RHOT1: variants seen among roughly 807,000 people sequenced by gnomAD.
RHOT1 encodes mitochondrial Rho GTPase 1.
Under a neutral mutation model 95.3 loss-of-function variants are expected in RHOT1, and 27 were observed. The observed-to-expected ratio is 0.28, with a 90% CI of 0.21 to 0.39. RHOT1 has a LOEUF of 0.39. Among genes scored for constraint, RHOT1 ranks in the 10% least tolerant of loss-of-function variants. RHOT1 has a pLI of 1.00. For missense variants in RHOT1, 578 were observed against 786.7 expected (o/e 0.73, Z 3.17); for synonymous variants, 227 against 263.5 (o/e 0.86, Z 1.34).
chr17:32,212,841 C>G (rs966722913), intron 19 of RHOT1, among the ~76,000 whole-genome samples: 1 of 152,106 alleles, frequency 6.6e-6, no homozygotes. Flanking sequence ...GGTAGAACAT[C>G]CCCATTTCTT....
chr17:32,192,059 A>C (rs1020410078), intron 8 of RHOT1, 142 bp from the exon 9 acceptor site: 4 of 558,896 alleles, frequency 7.2e-6, no homozygotes, highest in Admixed American at 7.6e-5. Flanking sequence ...AAAGGCTTGC[A>C]TATAAAGTAA....
rs180911241 is a variant in RHOT1, at chr17:32,164,048, G to A, written c.38-6995G>A. Among the ~76,000 whole-genome samples, 1,084 of 151,598 alleles carry A rather than the reference G, an allele frequency of 7.2e-3. 20 individuals are homozygous for A. The highest frequency in any genetic ancestry group is 0.025 in the African/African-American group (1,019 of 41,424). ...TGTGCACCTGTAGTCCCAGCTACTA[G>A]GGAGGCTGAGGCAGGAGAATTGCTT... On this transcript the variant is annotated intron_variant, in intron 1 of 19. Coordinates refer to ENST00000545287, the MANE Select transcript of RHOT1 (RefSeq NM_001033566.3).
intron 10 of RHOT1, 48 bp downstream of exon 10, chr17:32,193,292 A>G: frequency 7.8e-7 from 1 of 1,276,564 alleles, no homozygotes; most frequent in South Asian, 1.2e-5. Context: ...TATTTTCAAA[A>G]TTTGGCAGAA....
intron 1 of RHOT1, among the ~76,000 whole-genome samples, chr17:32,169,127 C>G (rs910127327): frequency 6.6e-6 from 1 of 152,222 alleles, no homozygotes; most frequent in Non-Finnish European, 1.5e-5. Flanking sequence ...GCTGTTTTCA[C>G]TCTCCTTCCT....
In RHOT1 at chr17:32,199,801, T is replaced by G. The variant is rs34639434; in HGVS notation, c.1100+251T>G. Among the ~76,000 whole-genome samples, 953 of 152,282 alleles carry G rather than the reference T, an allele frequency of 6.3e-3. 13 individuals carry two copies. The highest frequency in any genetic ancestry group is 0.021 in the African/African-American group (864 of 41,552). ...AAGTCTTTGAAAATTGAACTACATT[T>G]TAGCACTTTTTTGTTTGATTAAGGG... On this transcript the variant is annotated intron_variant, in intron 13 of 19. Transcript: ENST00000545287.
chr17:32,143,193 A>C, intron 1 of RHOT1: 1 of 456,790 alleles, frequency 2.2e-6, no homozygotes, highest in Non-Finnish European at 4.5e-6. Context: ...GATTGCGTGA[A>C]CCGGCTCCCG....
chr17:32,185,801 GCCT>G (rs1281172676), intron 8 of RHOT1, among the ~76,000 whole-genome samples: 1 of 147,942 alleles, frequency 6.8e-6, no homozygotes, highest in East Asian at 2.0e-4. Context: ...GCTCACTGCG[GCCT>G]CAAACTCCAA....
chr17:32,186,358 T>G (rs1325960029), intron 8 of RHOT1, among the ~76,000 whole-genome samples: 1 of 151,478 alleles, frequency 6.6e-6, no homozygotes, highest in Admixed American at 6.6e-5. Flanking sequence ...TTCAAAGTCC[T>G]TTCCCATTTT....
In RHOT1 at chr17:32,142,716, G is replaced by A. The variant is rs1254304646; in HGVS notation, c.24G>A (p.Leu8=). The part of the protein sequence containing the change: MKKDVRI[L]LVGEPRVGKT... ...ACATGAAGAAAGACGTGCGGATCCTGCTGGTGGGAGAACGTGAGTCCGCAC... is the reference window on the plus strand; with the variant it reads ...ACATGAAGAAAGACGTGCGGATCCTACTGGTGGGAGAACGTGAGTCCGCAC... Residue 8 remains leucine (L), a synonymous_variant, in exon 1 of 20, where the codon CTG becomes CTA. Coordinates refer to ENST00000545287, the MANE Select transcript of RHOT1 (RefSeq NM_001033566.3). 2.0e-6 allele frequency: 3 copies of A among 1,526,556 alleles called. No homozygotes were observed. The South Asian group carries it at 3.7e-5, about 19-fold the overall frequency. 94.6% of individuals were successfully genotyped at this position (1,526,556 alleles called of 1,614,324 possible).
intron 1 of RHOT1, among the ~76,000 whole-genome samples, chr17:32,152,757 C>G (rs2032471599): frequency 6.6e-6 from 1 of 151,804 alleles, no homozygotes; most frequent in African/African-American, 2.4e-5. Flanking sequence ...AAACCAGTAG[C>G]CTTTCAGTGT....
chr17:32,189,181 C>T (rs930089665), intron 8 of RHOT1, among the ~76,000 whole-genome samples: 4 of 152,102 alleles, frequency 2.6e-5, no homozygotes, highest in African/African-American at 9.7e-5. Flanking sequence ...CACCTGTAGC[C>T]CTAGCTACTT....
At chr17:32,170,129 G>A (rs970093952) in intron 1 of RHOT1, among the ~76,000 whole-genome samples, 1 of 151,902 alleles carries the variant, frequency 6.6e-6, no homozygotes, top group African/African-American at 2.4e-5. Flanking sequence ...AAATAATGCA[G>A]GATGGCTGGG....
rs2037279722 is a variant in RHOT1, at chr17:32,201,052, T to G, written c.1197T>G (p.Val399=). 6.3e-7 allele frequency: 1 copy of G among 1,575,310 alleles called. No homozygotes were observed. ...LTEQESQASA[V]TVTRDKKIDL... ...AGCAAGAGTCTCAAGCTTCAGCTGT[T>G]ACAGGTAAGTATCTAGATACTGTTC... Residue 399 remains valine (V), a synonymous_variant, in exon 14 of 20, where the codon GTT becomes GTG. Coordinates refer to ENST00000545287, the MANE Select transcript of RHOT1 (RefSeq NM_001033566.3).
chr17:32,178,093 G>A (rs1341199702), intron 6 of RHOT1, among the ~76,000 whole-genome samples: 3 of 151,806 alleles, frequency 2.0e-5, no homozygotes, highest in Non-Finnish European at 4.4e-5. Flanking sequence ...TCAAAGTGCT[G>A]GAATTACAGG....
Position 32,207,010 on chromosome 17 carries a change from A to T in RHOT1, c.1517A>T (p.Tyr506Phe), listed in dbSNP as rs772228807. Residue 506 changes from tyrosine to phenylalanine, a missense_variant, in exon 17 of 20, where the codon TAC (tyrosine) becomes TTC (phenylalanine). Coordinates refer to ENST00000545287, the MANE Select transcript of RHOT1 (RefSeq NM_001033566.3). ...GTCAGCAATCCCAAATCCTTTGAAT[A>T]CTGTGCCAGGATTTTTAAGGTTTGT... Reference protein sequence around the residue: ...YDVSNPKSFEYCARIFKQHFM... With the variant: ...YDVSNPKSFEFCARIFKQHFM... 1 of 1,611,300 alleles carries T rather than the reference A, an allele frequency of 6.2e-7. No individual in the cohort carries two copies. Among genetic ancestry groups the T allele is most frequent in the Non-Finnish European group, 8.5e-7 (1 of 1,179,074 alleles).
chr17:32,148,444 T>C (rs976942425), intron 1 of RHOT1, among the ~76,000 whole-genome samples: 3 of 152,340 alleles, frequency 2.0e-5, no homozygotes, highest in East Asian at 3.9e-4. Flanking sequence ...TCCTCACATA[T>C]GTACTGAAAC....
At chr17:32,188,653 T>G (rs1472318527) in intron 8 of RHOT1, among the ~76,000 whole-genome samples, 3 of 152,234 alleles carry the variant, frequency 2.0e-5, no homozygotes, top group African/African-American at 7.2e-5. Flanking sequence ...AAGAATTTCA[T>G]TCTTCTCATT....
chr17:32,204,218 T>G (rs1027162497), intron 16 of RHOT1, among the ~76,000 whole-genome samples: 4 of 152,166 alleles, frequency 2.6e-5, no homozygotes, highest in African/African-American at 9.7e-5. Flanking sequence ...CATGCCAAGC[T>G]TGATTTTATT....
intron 2 of RHOT1, 37 bp from the exon 3 acceptor site, chr17:32,173,794 G>C (rs2034773253): frequency 1.2e-5 from 16 of 1,322,052 alleles, no homozygotes; most frequent in Non-Finnish European, 1.6e-5. Context: ...AATATTCAAA[G>C]GTGTTTTTTT....
Sources: allele counts gnomAD v4.1 joint callset (sites outside exome capture counted in the v4.1 genomes callset), GRCh38; gene constraint gnomAD v4.1.1; transcripts MANE v1.5; gene names NCBI Gene and HGNC (gene_info 2026-07-23, HGNC 2026-07-21).